Variants in GFPT1 observed in about 807,000 individuals in gnomAD.
The protein encoded by GFPT1 is glutamine--fructose-6-phosphate aminotransferase [isomerizing] 1.
A neutral mutation model predicts 92.0 loss-of-function variants in GFPT1; 40 were observed. That is an observed-to-expected ratio of 0.43 (90% CI 0.34 to 0.57). GFPT1 has a LOEUF of 0.57. GFPT1 is among the 20% of genes least tolerant of loss of function. The probability of loss-of-function intolerance (pLI) is 0.02; values close to 1 mark genes in which losing one functional copy is unlikely to be tolerated. For missense variants in GFPT1, 448 were observed against 869.1 expected, an observed-to-expected ratio of 0.52 and a Z score of 6.09; for synonymous variants, 269 against 280.6, an observed-to-expected ratio of 0.96 and a Z score of 0.41.
At chr2:69,363,430 G>T in intron 4 of GFPT1, 115 bp downstream of exon 4, 1 of 1,124,284 alleles carries the variant, frequency 8.9e-7, no homozygotes, top group Non-Finnish European at 1.3e-6. Context: ...ACTTCTGAAT[G>T]TTTGAAATTT....
intron 15 of GFPT1, among the ~76,000 whole-genome samples, chr2:69,330,644 G>C (rs1393453587): frequency 6.8e-6 from 1 of 147,578 alleles, no homozygotes; most frequent in African/African-American, 2.5e-5. Context: ...AATCTCATCT[G>C]TTATTAGAAA....
At position 69,344,667 on chromosome 2, in the gene GFPT1, T is replaced by TG. The variant is rs2104628832; in HGVS notation, c.1105+1236_1105+1237insC. Among the ~76,000 whole-genome samples the TG allele has an allele frequency of 2.0e-5, 3 of 151,960 alleles. No individual in the cohort carries two copies. In the East Asian group the frequency reaches 5.8e-4, roughly 29 times the overall value. On this transcript the variant is annotated intron_variant, in intron 12 of 19. Transcript: ENST00000357308. ...AAGTACTCTTTTTTATTTTTTTTTT[T>TG]TGAGACAGGTCTTTCAACCAGGCTG...
At chr2:69,339,486 T>C (rs1170601262) in intron 13 of GFPT1, among the ~76,000 whole-genome samples, 3 of 152,190 alleles carry the variant, frequency 2.0e-5, no homozygotes, top group African/African-American at 7.2e-5. Context: ...ATTTTTACAC[T>C]AAACATCGGA....
chr2:69,353,413 G>A (rs1004702228), intron 9 of GFPT1, among the ~76,000 whole-genome samples: 1 of 151,762 alleles, frequency 6.6e-6, no homozygotes, highest in South Asian at 2.1e-4. Context: ...ACATGCCTGT[G>A]GTCCCAGCTA....
At chr2:69,385,299 C>T (rs2104707959) in intron 1 of GFPT1, among the ~76,000 whole-genome samples, 1 of 152,214 alleles carries the variant, frequency 6.6e-6, no homozygotes, top group South Asian at 2.1e-4. Flanking sequence ...GATCCCGGCT[C>T]ACTGCAACCT....
intron 16 of GFPT1, 73 bp from the exon 17 acceptor site, chr2:69,329,497 C>A: frequency 8.3e-7 from 1 of 1,207,896 alleles, no homozygotes. Flanking sequence ...CAGCAAATAA[C>A]AAAAGACCAG....
At chr2:69,371,288 A>T (rs1434402674) in intron 2 of GFPT1, 1 of 148,516 alleles carries the variant, frequency 6.7e-6, no homozygotes, top group Non-Finnish European at 1.5e-5. Context: ...CATGTTGGTT[A>T]GGCTGGTCTT....
At chr2:69,351,409 A>G (rs986128932) in intron 9 of GFPT1, among the ~76,000 whole-genome samples, 1 of 152,236 alleles carries the variant, frequency 6.6e-6, no homozygotes, top group African/African-American at 2.4e-5. Flanking sequence ...AACAGAACTT[A>G]GAACTATGGA....
chr2:69,334,046 C>T (rs924273604), intron 15 of GFPT1, among the ~76,000 whole-genome samples: 9 of 152,148 alleles, frequency 5.9e-5, no homozygotes, highest in African/African-American at 1.9e-4. Context: ...ATCCCAGCTA[C>T]TTGAGAGGCT....
intron 2 of GFPT1, among the ~76,000 whole-genome samples, chr2:69,371,076 C>CTTTTTT (rs1156764424): frequency 1.5e-4 from 19 of 127,738 alleles, no homozygotes; most frequent in Admixed American, 2.4e-4. Flanking sequence ...CTTTTCTTTT[C>CTTTTTT]TTTTTTTTTT....
chr2:69,363,574 C>T lies in GFPT1; in HGVS notation c.320G>A (p.Ser107Asn). Residue 107 changes from serine to asparagine, a missense_variant, in exon 4 of 20, where the codon AGC becomes AAC. By Grantham distance (46) the Ser-to-Asn change is conservative. Around this residue, in one of 7 missense-constraint regions of GFPT1, gnomAD observed 118 missense variants for 192.9 expected, o/e 0.61. Transcript: ENST00000357308. ...ATHGEPSPVN[S>N]HPQRSDKNNE... is the part of the protein sequence containing the mutation. ...ATTTTTATCAGAGCGCTGGGGGTGG[C>T]TATTGACAGGACTGGGTTCTCCATG... is the stretch of plus-strand genomic sequence containing the variant. 1 of 1,613,974 alleles carries T rather than the reference C, an allele frequency of 6.2e-7. No homozygotes were observed. The highest frequency in any genetic ancestry group is 8.5e-7 in the Non-Finnish European group (1 of 1,179,882).
At position 69,329,312 on chromosome 2, in the gene GFPT1, A is replaced by G; in HGVS notation, c.1710T>C (p.Cys570=). ...IMGRGYHYAT[C]LEGALKIKEI... is the part of the protein sequence containing the mutation. ...GAAAACTTACCAGTGCCCCTTCAAGACAAGTAGCATAATGATAGCCTCGTC... is the reference window on the plus strand; with the variant it reads ...GAAAACTTACCAGTGCCCCTTCAAGGCAAGTAGCATAATGATAGCCTCGTC... The change falls in exon 17 of 20, where the codon TGT becomes TGC. Residue 570 remains cysteine, a synonymous_variant. Coordinates refer to ENST00000357308, the MANE Select transcript of GFPT1 (RefSeq NM_001244710.2). 6.2e-7 allele frequency: 1 copy of G among 1,613,818 alleles called. No homozygotes were observed. The highest frequency in any genetic ancestry group is 8.5e-7 in the Non-Finnish European group (1 of 1,179,728).
chr2:69,332,375 T>C (rs1670686215), intron 15 of GFPT1, among the ~76,000 whole-genome samples: 1 of 151,268 alleles, frequency 6.6e-6, no homozygotes. Context: ...TGCAATGGCA[T>C]GATCTTGGCT....
chr2:69,379,724 T>C (rs952570117), intron 1 of GFPT1, among the ~76,000 whole-genome samples: 2 of 151,602 alleles, frequency 1.3e-5, no homozygotes, highest in African/African-American at 4.8e-5. Context: ...ATTTACTTAT[T>C]TATTTTTAAT....
At chr2:69,327,718 A>G (rs1433184686) in intron 18 of GFPT1, among the ~76,000 whole-genome samples, 2 of 152,192 alleles carry the variant, frequency 1.3e-5, no homozygotes, top group South Asian at 4.1e-4. Flanking sequence ...GCATATGTTA[A>G]CTAAAAGAAG....
Position 69,348,255 on chromosome 2 carries a change from T to C in GFPT1, c.925A>G (p.Ile309Val), listed in dbSNP as rs1671130181. Residue 309 changes from isoleucine to valine, a missense_variant, in exon 11 of 20, where the codon ATC becomes GTC. Physicochemically the swap from Ile to Val is conservative, Grantham distance 29. Coordinates refer to ENST00000357308, the MANE Select transcript of GFPT1 (RefSeq NM_001244710.2). ...CCTGCAGTTCGTTTAATTCGATGGA[T>C]AGAAAGACGTCCATCCACTACTGCT... The part of the protein sequence containing the change: ...VAAVVDGRLS[I>V]HRIKRTAGDH... 5.0e-6 allele frequency: 8 copies of C among 1,612,292 alleles called. No individual in the cohort carries two copies. Among genetic ancestry groups the C allele is most frequent in the South Asian group, 1.1e-5 (1 of 91,052 alleles).
At chr2:69,347,497 GAC>G (rs1242529000) in intron 11 of GFPT1, among the ~76,000 whole-genome samples, 2 of 140,514 alleles carry the variant, frequency 1.4e-5, no homozygotes, top group African/African-American at 5.5e-5. Context: ...TTTTTTTTGA[GAC>G]AGAGTTTTGC....
intron 3 of GFPT1, among the ~76,000 whole-genome samples, chr2:69,369,246 GA>G (rs1003017470): frequency 8.8e-5 from 13 of 147,360 alleles, no homozygotes; most frequent in African/African-American, 2.2e-4. Flanking sequence ...GCTTATGTGG[GA>G]AAAAAAAAAG....
At position 69,374,056 on chromosome 2, in the gene GFPT1, G is replaced by C; in HGVS notation, c.65C>G (p.Thr22Ser). The C allele has an allele frequency of 6.2e-7, 1 of 1,601,276 alleles. No individual in the cohort carries two copies. The highest frequency in any genetic ancestry group is 8.6e-7 in the Non-Finnish European group (1 of 1,169,176). Residue 22 changes from threonine to serine, a missense_variant, in exon 2 of 20, where the codon ACC (threonine) becomes AGC (serine). By Grantham distance (58) the Thr-to-Ser change is moderately conservative. Coordinates refer to ENST00000357308, the MANE Select transcript of GFPT1 (RefSeq NM_001244710.2). ...VPRTRREILETLIKGLQRLEY... is the reference protein window; with the variant it reads ...VPRTRREILESLIKGLQRLEY... ...CAGTCTCTGAAGGCCTTTGATTAGG[G>C]TCTCCAGGATTTCTCGTCTCGTTCG... is the stretch of plus-strand genomic sequence containing the variant.
Sources: allele counts gnomAD v4.1 joint callset (sites outside exome capture counted in the v4.1 genomes callset), GRCh38; gene constraint gnomAD v4.1.1; regional missense constraint gnomAD v4.1.1; transcripts MANE v1.5; gene names NCBI Gene and HGNC (gene_info 2026-07-23, HGNC 2026-07-21).